Variants in CNOT6L observed in about 807,000 individuals in gnomAD.
The protein encoded by CNOT6L is CCR4-NOT transcription complex subunit 6 like.
In CNOT6L, 7 loss-of-function variants were observed where a neutral mutation model predicts 64.0. The observed-to-expected ratio is 0.11, with a 90% CI of 0.06 to 0.21. The LOEUF (loss-of-function observed/expected upper bound fraction) is 0.21. Ranked by LOEUF, CNOT6L falls within the 10% of genes least tolerant of loss-of-function variation. The pLI is 1.00. For synonymous variants in CNOT6L, 193 were observed against 243.4 expected (o/e 0.79, Z 1.93); for missense variants, 245 against 669.0 (o/e 0.37, Z 6.99).
intron 5 of CNOT6L, among the ~76,000 whole-genome samples, chr4:77,750,435 T>C (rs956785105): frequency 1.3e-5 from 2 of 152,188 alleles, no homozygotes; most frequent in East Asian, 3.9e-4. Flanking sequence ...CACTGCAAGT[T>C]CCGCCTCCCG....
At chr4:77,732,504 T>C (rs1052240914) in intron 8 of CNOT6L, among the ~76,000 whole-genome samples, 2 of 152,038 alleles carry the variant, frequency 1.3e-5, no homozygotes, top group Admixed American at 1.3e-4. Flanking sequence ...TAGTTTCTGT[T>C]TCTTCAAAAA....
At chr4:77,732,651 A>C (rs1722571179) in intron 8 of CNOT6L, among the ~76,000 whole-genome samples, 1 of 152,104 alleles carries the variant, frequency 6.6e-6, no homozygotes. Flanking sequence ...AGAGTGCTTA[A>C]AGTGACTATA....
At chr4:77,769,526 G>A (rs1230446994) in intron 4 of CNOT6L, among the ~76,000 whole-genome samples, 1 of 152,038 alleles carries the variant, frequency 6.6e-6, no homozygotes, top group African/African-American at 2.4e-5. Flanking sequence ...CTATTAATAT[G>A]TTCTCTACTA....
intron 4 of CNOT6L, among the ~76,000 whole-genome samples, chr4:77,766,163 C>G (rs1726790912): frequency 6.6e-6 from 1 of 151,958 alleles, no homozygotes; most frequent in Non-Finnish European, 1.5e-5. Context: ...TTGAGTTTAT[C>G]TCAGCAATGC....
intron 1 of CNOT6L, among the ~76,000 whole-genome samples, chr4:77,806,116 C>A (rs1388023250): frequency 6.6e-6 from 1 of 152,144 alleles, no homozygotes; most frequent in Non-Finnish European, 1.5e-5. Flanking sequence ...AATACCTCAA[C>A]TAGATTAATC....
chr4:77,771,033 T>C (rs1577968023), intron 4 of CNOT6L, among the ~76,000 whole-genome samples: 1 of 152,102 alleles, frequency 6.6e-6, no homozygotes, highest in African/African-American at 2.4e-5. Context: ...CAACAGTAAA[T>C]TATTCGCCCT....
At chr4:77,813,583 A>G (rs747768239) in intron 1 of CNOT6L, among the ~76,000 whole-genome samples, 1 of 152,190 alleles carries the variant, frequency 6.6e-6, no homozygotes, top group Non-Finnish European at 1.5e-5. Context: ...ACTCATTATA[A>G]AAATGGGCAA....
intron 1 of CNOT6L, among the ~76,000 whole-genome samples, chr4:77,797,810 T>G (rs1245530193): frequency 6.6e-6 from 1 of 152,178 alleles, no homozygotes; most frequent in African/African-American, 2.4e-5. Flanking sequence ...TTGGAATATA[T>G]ATCCTCCACA....
chr4:77,807,276 CA>C lies in CNOT6L; in HGVS notation c.5+12027del, dbSNP rs58452605. Reference sequence around the variant, plus strand: ...ATGGCGACAGAGTGAGACTCCATCTCAAAAAAAAAAAAAAAAATCCTACAAT... The same window carrying C: ...ATGGCGACAGAGTGAGACTCCATCTCAAAAAAAAAAAAAAAATCCTACAAT... On this transcript the variant is annotated intron_variant, in intron 1 of 11. Transcript: ENST00000504123. Among the ~76,000 whole-genome samples, 45 of 108,192 alleles carry C rather than the reference CA, an allele frequency of 4.2e-4. 1 individual carries two copies. The highest frequency in any genetic ancestry group is 2.8e-3 in the South Asian group (9 of 3,268). The allele number at this position is 108,192 out of a possible 152,430, so 71.0% of individuals were successfully genotyped here.
chr4:77,782,144 G>A (rs1344511312), intron 1 of CNOT6L, among the ~76,000 whole-genome samples: 5 of 151,926 alleles, frequency 3.3e-5, no homozygotes, highest in Admixed American at 6.6e-5. Context: ...CAAAAGTTAC[G>A]GAAGGGAAAA....
intron 6 of CNOT6L, among the ~76,000 whole-genome samples, chr4:77,746,629 T>G (rs1466876116): frequency 6.6e-6 from 1 of 152,204 alleles, no homozygotes; most frequent in Non-Finnish European, 1.5e-5. Flanking sequence ...AATAGAAATG[T>G]AGCTGTGCAA....
At chr4:77,779,896 G>A (rs915942458) in intron 1 of CNOT6L, among the ~76,000 whole-genome samples, 6 of 152,058 alleles carry the variant, frequency 3.9e-5, no homozygotes, top group Non-Finnish European at 7.4e-5. Flanking sequence ...CCCGGGAGGC[G>A]GAGCTTGCAG....
chr4:77,795,120 A>G (rs111696914), intron 1 of CNOT6L, among the ~76,000 whole-genome samples: 3,396 of 151,168 alleles, frequency 0.022, 117 homozygotes, highest in African/African-American at 0.079. Context: ...CCCAGGTTCA[A>G]GTGATTCTTC....
intron 6 of CNOT6L, 79 bp from the exon 7 acceptor site, chr4:77,744,954 C>CT (rs1724029564): frequency 1.1e-5 from 13 of 1,177,730 alleles, no homozygotes; most frequent in South Asian, 1.6e-5. Context: ...ATGTGTACAC[C>CT]TGCACAAGCA....
chr4:77,717,964 A>G lies in CNOT6L; in HGVS notation c.*2467T>C, dbSNP rs2109837034. 6.5e-6 allele frequency: 1 copy of G among 152,678 alleles called. No individual in the cohort carries two copies. The highest frequency in any genetic ancestry group is 3.4e-3 in the Middle Eastern group (1 of 294). 9.5% of individuals were successfully genotyped at this position (152,678 alleles called of 1,614,324 possible). ...GCGCATTTGAAGCAGAGAGAACCCA[A>G]TTACACACCTTCCTGCAACAGAGTG... On this transcript the variant is annotated 3_prime_UTR_variant, in exon 12 of 12. Transcript: ENST00000504123.
At chr4:77,799,665 T>C (rs561444767) in intron 1 of CNOT6L, among the ~76,000 whole-genome samples, 20 of 144,320 alleles carry the variant, frequency 1.4e-4, no homozygotes, top group Non-Finnish European at 2.3e-4. Flanking sequence ...GATTGTGCCA[T>C]TGCACTCCAG....
At position 77,718,473 on chromosome 4, in the gene CNOT6L, G is replaced by C. The variant is rs1367463569; in HGVS notation, c.*1958C>G. ...GTTGAGGAAAATCTGTCATCTTAAG[G>C]GTTGTTTCTTTTTGTTTGTTTATCC... On this transcript the variant is annotated 3_prime_UTR_variant, in exon 12 of 12. Coordinates refer to ENST00000504123, the MANE Select transcript of CNOT6L (RefSeq NM_144571.3). 3 of 152,374 alleles carry C rather than the reference G, an allele frequency of 2.0e-5. No homozygotes were observed. The highest frequency in any genetic ancestry group is 2.9e-5 in the Non-Finnish European group (2 of 67,988). 9.4% of individuals were successfully genotyped at this position (152,374 alleles called of 1,614,324 possible).
At position 77,774,731 on chromosome 4, in the gene CNOT6L, A is replaced by G. The variant is rs1383483274; in HGVS notation, c.128-15T>C. On this transcript the variant is annotated splice_polypyrimidine_tract_variant and intron_variant, in intron 2 of 11. Coordinates refer to ENST00000504123, the MANE Select transcript of CNOT6L (RefSeq NM_144571.3). ...CCGCACTCTACCTAAAAGGCAAAAT[A>G]CTGAAGTGTAAAAAAAAACCCCAGG... 1 of 1,507,796 alleles carries G rather than the reference A, an allele frequency of 6.6e-7. No individual in the cohort carries two copies. The highest frequency in any genetic ancestry group is 8.9e-7 in the Non-Finnish European group (1 of 1,129,102). 93.4% of individuals were successfully genotyped at this position (1,507,796 alleles called of 1,614,324 possible).
chr4:77,781,331 A>G (rs1288862852), intron 1 of CNOT6L, among the ~76,000 whole-genome samples: 1 of 152,218 alleles, frequency 6.6e-6, no homozygotes, highest in African/African-American at 2.4e-5. Context: ...CATGTATCCC[A>G]GAACTTAAAG....
Sources: gnomAD v4.1 joint callset for allele counts (sites outside exome capture counted in the v4.1 genomes callset) on GRCh38, gnomAD v4.1.1 for gene constraint, MANE v1.5 for transcripts, NCBI Gene and HGNC (gene_info 2026-07-23, HGNC 2026-07-21) for gene names.